Variants in GRIN2A observed in about 807,000 individuals in gnomAD.
GRIN2A encodes the protein glutamate receptor ionotropic, NMDA 2A.
Under a neutral mutation model 113.4 loss-of-function variants are expected in GRIN2A, and 22 were observed. The ratio of observed to expected loss-of-function variants is 0.19; its 90% CI spans 0.14 to 0.28. The LOEUF (loss-of-function observed/expected upper bound fraction) is 0.28, where lower values mean the gene tolerates loss of function less well. Among genes scored for constraint, GRIN2A ranks in the 10% least tolerant of loss-of-function variants. The probability of loss-of-function intolerance (pLI) is 1.00; values close to 1 mark genes in which losing one functional copy is unlikely to be tolerated. For synonymous variants in GRIN2A, 827 were observed against 738.4 expected (o/e 1.12, Z -1.94); for missense variants, 1,502 against 1,887.0 (o/e 0.80, Z 3.78).
intron 2 of GRIN2A, among the ~76,000 whole-genome samples, chr16:10,137,083 G>A (rs971969547): frequency 2.6e-5 from 4 of 152,126 alleles, no homozygotes; most frequent in Admixed American, 6.5e-5. Context: ...AATCCCTACC[G>A]TTGGCTGCTT....
In GRIN2A at chr16:10,010,846, C is replaced by T. The variant is rs146608635; in HGVS notation, c.415-72295G>A. 1.6e-3 allele frequency among the ~76,000 whole-genome samples: 240 copies of T among 152,302 alleles called. 3 individuals carry two copies. The highest frequency in any genetic ancestry group is 5.7e-3 in the African/African-American group (235 of 41,556). Reference sequence around the variant, plus strand: ...TACTGCACTGGTCTCTTCACCAGGACTGCTATGCTGCACAACTCCAGGGGG... The same window carrying T: ...TACTGCACTGGTCTCTTCACCAGGATTGCTATGCTGCACAACTCCAGGGGG... On this transcript the variant is annotated intron_variant, in intron 2 of 12. Coordinates refer to ENST00000330684, the MANE Select transcript of GRIN2A (RefSeq NM_001134407.3).
Position 10,031,222 on chromosome 16 carries a change from A to G in GRIN2A, c.415-92671T>C, listed in dbSNP as rs1359397945. The G allele has an allele frequency of 2.6e-5, 4 of 152,114 alleles. No homozygotes were observed. The East Asian group carries it at 5.8e-4, about 22-fold the overall frequency. The allele number at this position is 152,114 out of a possible 1,614,324, so 9.4% of individuals were successfully genotyped here. On this transcript the variant is annotated intron_variant, in intron 2 of 12. Transcript: ENST00000330684. ...CTTTTAATCCTTCTCTGCAGCCACA[A>G]TGACTTCTATGATGGTCTTCCAATA...
At chr16:9,836,041 TA>T (rs774612798) in intron 7 of GRIN2A, among the ~76,000 whole-genome samples, 4 of 152,308 alleles carry the variant, frequency 2.6e-5, no homozygotes, top group South Asian at 4.1e-4. Context: ...GTCCCTGAAA[TA>T]ATAGCAATTT....
At chr16:10,007,438 T>C (rs982259865) in intron 2 of GRIN2A, among the ~76,000 whole-genome samples, 4 of 152,242 alleles carry the variant, frequency 2.6e-5, no homozygotes, top group African/African-American at 9.6e-5. Flanking sequence ...TTTTGAGAAA[T>C]ATCTATTCAG....
chr16:10,160,551 G>A (rs2049789934), intron 2 of GRIN2A, among the ~76,000 whole-genome samples: 1 of 152,206 alleles, frequency 6.6e-6, no homozygotes, highest in South Asian at 2.1e-4. Flanking sequence ...CATCTCTCAT[G>A]TCATCTCTGC....
In GRIN2A at chr16:9,761,108, C is replaced by A. The variant is rs1004791356; in HGVS notation, c.*2041G>T. ...AAAATGAAAGGAAGCTCCTCTCACC[C>A]ACTGCCTCCCTCTGTCTCCCTATGA... On this transcript the variant is annotated 3_prime_UTR_variant, in exon 13 of 13. Coordinates refer to ENST00000330684, the MANE Select transcript of GRIN2A (RefSeq NM_001134407.3). 2 of 232,756 alleles carry A rather than the reference C, an allele frequency of 8.6e-6. No homozygotes were observed. The highest frequency in any genetic ancestry group is 5.6e-5 in the Admixed American group (1 of 17,766). 14.4% of individuals were successfully genotyped at this position (232,756 alleles called of 1,614,324 possible). A position where few individuals can be genotyped will look rare whatever the true frequency, so the allele number is the denominator to read the frequency against.
At chr16:9,883,626 C>G (rs2141461499) in intron 4 of GRIN2A, among the ~76,000 whole-genome samples, 1 of 152,230 alleles carries the variant, frequency 6.6e-6, no homozygotes, top group Admixed American at 6.5e-5. Flanking sequence ...AGAAAGCTTT[C>G]TGTGTTGGGG....
intron 4 of GRIN2A, among the ~76,000 whole-genome samples, chr16:9,865,525 T>C (rs532997419): frequency 1.8e-3 from 281 of 152,328 alleles, no homozygotes; most frequent in African/African-American, 5.3e-3. Context: ...ATGATACTTA[T>C]GAGCTATGTC....
chr16:10,047,926 C>G (rs77447241), intron 2 of GRIN2A, among the ~76,000 whole-genome samples: 2 of 152,184 alleles, frequency 1.3e-5, no homozygotes, highest in Non-Finnish European at 2.9e-5. Context: ...ATATGTCTCA[C>G]TGGTGGGCTC....
At chr16:10,146,680 G>T (rs924423100) in intron 2 of GRIN2A, among the ~76,000 whole-genome samples, 2 of 152,064 alleles carry the variant, frequency 1.3e-5, no homozygotes, top group African/African-American at 4.8e-5. Context: ...TCTCTGGCAA[G>T]AGGTGAAAGA....
intron 2 of GRIN2A, among the ~76,000 whole-genome samples, chr16:9,973,744 G>A (rs2045719261): frequency 6.6e-6 from 1 of 152,072 alleles, no homozygotes. Context: ...AGAAACTACA[G>A]AGTCCAGAAG....
chr16:9,980,201 A>G (rs539179579), intron 2 of GRIN2A, among the ~76,000 whole-genome samples: 1 of 149,946 alleles, frequency 6.7e-6, no homozygotes, highest in East Asian at 2.0e-4. Context: ...TGAACCCAAG[A>G]GGCAGAGGTT....
chr16:9,800,209 A>C (rs1267511047), intron 10 of GRIN2A, among the ~76,000 whole-genome samples: 1 of 152,152 alleles, frequency 6.6e-6, no homozygotes, highest in Non-Finnish European at 1.5e-5. Context: ...TCCTGGCCTC[A>C]AGTGATCCAC....
chr16:9,754,894 A>G lies in GRIN2A; in HGVS notation c.*8255T>C, dbSNP rs768445127. The G allele has an allele frequency of 2.7e-5, 6 of 223,788 alleles. No individual in the cohort carries two copies. Among genetic ancestry groups the G allele is most frequent in the Non-Finnish European group, 5.3e-5 (6 of 112,212 alleles). 13.9% of individuals were successfully genotyped at this position (223,788 alleles called of 1,614,324 possible). On this transcript the variant is annotated 3_prime_UTR_variant, in exon 13 of 13. Coordinates refer to ENST00000330684, the MANE Select transcript of GRIN2A (RefSeq NM_001134407.3). The stretch of plus-strand genomic sequence containing the variant: ...ACTTGAAACAGCAAAATGTCAGATC[A>G]ATGGGAAGCATTTAAAATGCCAAAG...
intron 3 of GRIN2A, among the ~76,000 whole-genome samples, chr16:9,924,153 C>T (rs972701576): frequency 3.4e-5 from 5 of 148,728 alleles, no homozygotes; most frequent in Middle Eastern, 7.0e-3. Context: ...AAACCTCATG[C>T]GTTTAACAAT....
At chr16:10,008,046 A>G (rs1404851617) in intron 2 of GRIN2A, among the ~76,000 whole-genome samples, 3 of 152,182 alleles carry the variant, frequency 2.0e-5, no homozygotes, top group East Asian at 3.9e-4. Context: ...CAGAAAGTAC[A>G]TGGCATACAG....
At chr16:9,796,360 T>C (rs748363256) in intron 11 of GRIN2A, among the ~76,000 whole-genome samples, 3 of 152,252 alleles carry the variant, frequency 2.0e-5, no homozygotes, top group Non-Finnish European at 4.4e-5. Flanking sequence ...ATAAGACTCC[T>C]GTTTGCTGAA....
intron 2 of GRIN2A, among the ~76,000 whole-genome samples, chr16:10,056,356 C>G (rs1471915426): frequency 6.6e-6 from 1 of 152,248 alleles, no homozygotes; most frequent in African/African-American, 2.4e-5. Flanking sequence ...ATTCACCCTT[C>G]TCTTTATACA....
chr16:10,006,306 A>T (rs1319902676), intron 2 of GRIN2A, among the ~76,000 whole-genome samples: 5 of 152,212 alleles, frequency 3.3e-5, no homozygotes, highest in African/African-American at 1.2e-4. Context: ...ATCAATAAAT[A>T]AACCACGTGA....
Sources: allele counts gnomAD v4.1 joint callset (sites outside exome capture counted in the v4.1 genomes callset), GRCh38; gene constraint gnomAD v4.1.1; transcripts MANE v1.5; gene names NCBI Gene and HGNC (gene_info 2026-07-23, HGNC 2026-07-21).